RANBP2: variants seen among roughly 807,000 people sequenced by gnomAD.
RANBP2 encodes RAN binding protein 2.
RANBP2 carries 57 observed loss-of-function variants against 303.6 expected under a neutral mutation model. The ratio of observed to expected loss-of-function variants is 0.19; its 90% CI spans 0.15 to 0.23. The LOEUF (loss-of-function observed/expected upper bound fraction) is 0.23. Ranked by LOEUF, RANBP2 falls within the 10% of genes least tolerant of loss-of-function variation. RANBP2 has a pLI of 1.00. For synonymous variants in RANBP2, 1,167 were observed against 1,301.5 expected (o/e 0.90, Z 2.23); for missense variants, 3,138 against 3,780.8 (o/e 0.83, Z 4.46).
At chr2:109,080,184 G>C in the RANBP2 span, among the ~76,000 whole-genome samples, 1 of 152,170 alleles carries the variant, frequency 6.6e-6, no homozygotes. Context: ...AATCAAAAAT[G>C]GGAGGTGAAT....
At chr2:109,123,135 T>C in the RANBP2 span, among the ~76,000 whole-genome samples, 1 of 152,076 alleles carries the variant, frequency 6.6e-6, no homozygotes, top group South Asian at 2.1e-4. Flanking sequence ...AGAGGAGTGG[T>C]GAATGCGTGT....
the RANBP2 span, among the ~76,000 whole-genome samples, chr2:109,384,651 A>G: frequency 3.2e-3 from 490 of 152,250 alleles, 3 homozygotes; most frequent in African/African-American, 0.011. Flanking sequence ...GCCTGTGTCC[A>G]TAGACTCCTC....
chr2:109,701,179 C>T, the RANBP2 span, among the ~76,000 whole-genome samples: 2 of 152,184 alleles, frequency 1.3e-5, no homozygotes, highest in African/African-American at 4.8e-5. Context: ...ATGAGGAGCT[C>T]CTGCTGCAAC....
At chr2:109,454,527 G>A in the RANBP2 span, among the ~76,000 whole-genome samples, 1 of 152,190 alleles carries the variant, frequency 6.6e-6, no homozygotes, top group Non-Finnish European at 1.5e-5. Context: ...GAGCGCTCCC[G>A]CCGGCTGCCT....
chr2:108,963,213 T>C, the RANBP2 span, among the ~76,000 whole-genome samples: 1 of 152,194 alleles, frequency 6.6e-6, no homozygotes, highest in Non-Finnish European at 1.5e-5. Flanking sequence ...TTTTACATGA[T>C]GTATTCTTAT....
At chr2:109,287,737 CTG>C in the RANBP2 span, among the ~76,000 whole-genome samples, 1 of 152,228 alleles carries the variant, frequency 6.6e-6, no homozygotes, top group Non-Finnish European at 1.5e-5. Flanking sequence ...GAGCTCTTCT[CTG>C]TGGCCTCTGC....
At chr2:109,091,014 T>A in the RANBP2 span, among the ~76,000 whole-genome samples, 1 of 152,288 alleles carries the variant, frequency 6.6e-6, no homozygotes, top group East Asian at 1.9e-4. Flanking sequence ...ATGGACCTTT[T>A]GCATTAATTC....
At chr2:108,892,685 A>C in the RANBP2 span, among the ~76,000 whole-genome samples, 1 of 152,154 alleles carries the variant, frequency 6.6e-6, no homozygotes, top group South Asian at 2.1e-4. Flanking sequence ...GGGGTCTCTC[A>C]TGGCCAGGAT....
At position 108,757,388 on chromosome 2, in the gene RANBP2, C is replaced by G. The variant is rs2693106; in HGVS notation, c.2467-1025C>G. On this transcript the variant is annotated intron_variant, in intron 17 of 28. Coordinates refer to ENST00000283195, the MANE Select transcript of RANBP2 (RefSeq NM_006267.5). Reference sequence around the variant, plus strand: ...TAAGAAAACATTTTTGGAGTCAGATCTGGTTCAAATTCCAGCTGTTATTCC... The same window carrying G: ...TAAGAAAACATTTTTGGAGTCAGATGTGGTTCAAATTCCAGCTGTTATTCC... Among the ~76,000 whole-genome samples, 348 of 152,214 alleles carry G rather than the reference C, an allele frequency of 2.3e-3. 2 individuals carry two copies. Among genetic ancestry groups the G allele is most frequent in the African/African-American group, 7.2e-3 (299 of 41,528 alleles).
the RANBP2 span, among the ~76,000 whole-genome samples, chr2:109,497,111 C>T: frequency 3.9e-5 from 6 of 152,178 alleles, no homozygotes; most frequent in Non-Finnish European, 7.3e-5. Flanking sequence ...ATGGACGGAA[C>T]TATAATATAT....
rs1384373163 is a variant in RANBP2, at chr2:108,763,431, C to T, written c.2892C>T (p.Tyr964=). 1.2e-6 allele frequency: 2 copies of T among 1,614,024 alleles called. No individual in the cohort carries two copies. The highest frequency in any genetic ancestry group is 4.5e-5 in the East Asian group (2 of 44,880). The change falls in exon 20 of 29, where the codon TAC becomes TAT. Residue 964 remains tyrosine, a synonymous_variant. Coordinates refer to ENST00000283195, the MANE Select transcript of RANBP2 (RefSeq NM_006267.5). The part of the protein sequence containing the change: ...LSPRGDDYFN[Y]NVQQTSTNPP... ...CCAGGGGTGATGATTACTTTAATTA[C>T]AATGTTCAACAGACAAGCACAAATC... is the stretch of plus-strand genomic sequence containing the variant.
chr2:109,296,964 C>T, the RANBP2 span, among the ~76,000 whole-genome samples: 7 of 152,138 alleles, frequency 4.6e-5, no homozygotes, highest in Admixed American at 4.6e-4. Flanking sequence ...CCCTGAGGAG[C>T]TAGTGATTTA....
At chr2:109,218,109 C>CT in the RANBP2 span, among the ~76,000 whole-genome samples, 9 of 151,690 alleles carry the variant, frequency 5.9e-5, no homozygotes, top group African/African-American at 1.9e-4. Context: ...TTTTTGGAAA[C>CT]TGAGTAGAGA....
the RANBP2 span, among the ~76,000 whole-genome samples, chr2:109,453,954 G>C: frequency 6.6e-6 from 1 of 152,238 alleles, no homozygotes; most frequent in African/African-American, 2.4e-5. Flanking sequence ...GCAGCCCTGG[G>C]AGGGCCTCGT....
At chr2:108,773,543 G>A (rs1009267262) in intron 23 of RANBP2, among the ~76,000 whole-genome samples, 1 of 151,966 alleles carries the variant, frequency 6.6e-6, no homozygotes, top group Non-Finnish European at 1.5e-5. Context: ...TAATGGAAAG[G>A]TATATACTGT....
At chr2:109,732,714 C>T in the RANBP2 span, 21 of 613,344 alleles carry the variant, frequency 3.4e-5, no homozygotes, top group African/African-American at 5.5e-5. Flanking sequence ...GTGATCCGCC[C>T]GCCTTGGTTT....
the RANBP2 span, among the ~76,000 whole-genome samples, chr2:109,233,183 C>T: frequency 1.1e-4 from 16 of 152,192 alleles, no homozygotes; most frequent in Admixed American, 4.6e-4. Context: ...GTCAGGGTGA[C>T]AGCTTCTTAC....
the RANBP2 span, among the ~76,000 whole-genome samples, chr2:109,594,453 C>T: frequency 1.3e-5 from 2 of 152,208 alleles, no homozygotes; most frequent in Non-Finnish European, 2.9e-5. Flanking sequence ...TAGCTGTCTA[C>T]TGCTCTGCAC....
the RANBP2 span, among the ~76,000 whole-genome samples, chr2:109,506,554 G>A: frequency 2.6e-5 from 4 of 152,242 alleles, no homozygotes; most frequent in Admixed American, 2.6e-4. Context: ...CAGATGGAGG[G>A]AAGGGAGACT....
Sources: allele counts gnomAD v4.1 joint callset (sites outside exome capture counted in the v4.1 genomes callset), GRCh38; gene constraint gnomAD v4.1.1; transcripts MANE v1.5; gene names NCBI Gene and HGNC (gene_info 2026-07-23, HGNC 2026-07-21).